The following ACOX3 variants were observed in gnomAD, a reference collection of about 807,000 sequenced individuals.
The protein encoded by ACOX3 is acyl-CoA oxidase 3, pristanoyl, also known as peroxisomal acyl-coenzyme A oxidase 3.
Under a neutral mutation model 81.5 loss-of-function variants are expected in ACOX3, and 73 were observed. The observed-to-expected ratio is 0.90, with a 90% CI of 0.74 to 1.09. The LOEUF (loss-of-function observed/expected upper bound fraction) is 1.09, where lower values mean the gene tolerates loss of function less well. Among genes scored for constraint, ACOX3 ranks in the 50% least tolerant of loss-of-function variants. The pLI, the probability that ACOX3 is intolerant of heterozygous loss-of-function variation, is 0.00. For missense variants in ACOX3, 947 were observed against 928.0 expected, an observed-to-expected ratio of 1.02 and a Z score of -0.27; for synonymous variants, 387 against 375.1, an observed-to-expected ratio of 1.03 and a Z score of -0.37.
chr4:8,413,133 G>A (rs1459954340), intron 5 of ACOX3, among the ~76,000 whole-genome samples: 153 of 93,832 alleles, frequency 1.6e-3, no homozygotes, highest in Non-Finnish European at 2.7e-3. Flanking sequence ...GCACCCCTGC[G>A]CCCCTCCACA....
rs1237939487 is a variant in ACOX3, at chr4:8,382,897, C to G, written c.1538-1290G>C. 3.4e-5 allele frequency among the ~76,000 whole-genome samples: 5 copies of G among 148,444 alleles called. No homozygotes were observed. Among genetic ancestry groups the G allele is most frequent in the Non-Finnish European group, 5.9e-5 (4 of 67,742 alleles). On this transcript the variant is annotated intron_variant, in intron 13 of 17. Coordinates refer to ENST00000356406, the MANE Select transcript of ACOX3 (RefSeq NM_003501.3). The surrounding 1 kb of genome is among the most constrained non-coding windows in gnomAD (Gnocchi z 4.1). The stretch of plus-strand genomic sequence containing the variant: ...GTCCCAGCTACTCGGGAGGCTGAGG[C>G]AGGAGAATGGCGTGAACCCGGGAGG...
chr4:8,380,931 G>T (rs10034947), intron 14 of ACOX3, among the ~76,000 whole-genome samples: 10,023 of 152,238 alleles, frequency 0.066, 446 homozygotes, highest in African/African-American at 0.12. Context: ...AGATGGCTGG[G>T]ACAGGGCTGG....
At chr4:8,402,353 T>C (rs1720460842) in intron 7 of ACOX3, among the ~76,000 whole-genome samples, 1 of 152,182 alleles carries the variant, frequency 6.6e-6, no homozygotes, top group Admixed American at 6.5e-5. Context: ...CTGCCCAGTT[T>C]GGTAGCAGCT....
At chr4:8,361,113 CTAGAT>C in the ACOX3 span, among the ~76,000 whole-genome samples, 11 of 151,854 alleles carry the variant, frequency 7.2e-5, no homozygotes, top group South Asian at 2.1e-4. Flanking sequence ...TTTTTCTTAC[CTAGAT>C]TAAAGAGTTA....
intron 1 of ACOX3, among the ~76,000 whole-genome samples, chr4:8,425,938 C>T (rs879081395): frequency 3.3e-5 from 5 of 151,964 alleles, no homozygotes; most frequent in South Asian, 4.2e-4. Flanking sequence ...CAGGGAAGGT[C>T]GAGAAAATGA....
chr4:8,357,426 T>C, the ACOX3 span: 1 of 356,512 alleles, frequency 2.8e-6, no homozygotes, highest in African/African-American at 2.1e-5. Context: ...TCAATTAAAT[T>C]GGAGGGGCAA....
chr4:8,435,601 G>A (rs754150322), intron 1 of ACOX3, among the ~76,000 whole-genome samples: 15 of 152,244 alleles, frequency 9.9e-5, no homozygotes, highest in Non-Finnish European at 1.8e-4. Context: ...GTGGTGACAG[G>A]GGTTGGAGGA....
chr4:8,399,610 A>T lies in ACOX3; in HGVS notation c.819T>A (p.Leu273=). The change falls in exon 8 of 18, where the codon CTT becomes CTA. Residue 273 remains leucine (L), a synonymous_variant. Transcript: ENST00000356406. This position sits in a 1 kb window ranked among gnomAD's most constrained non-coding sequence, Gnocchi z 4.9. ...FHKVRVPRQS[L]LNRMGDVTPE... ...GGGTGACGTCTCCCATCCGGTTCAGAAGGCTCTGGCGAGGAACTCTGACCT... is the reference window on the plus strand; with the variant it reads ...GGGTGACGTCTCCCATCCGGTTCAGTAGGCTCTGGCGAGGAACTCTGACCT... 1 of 1,614,164 alleles carries T rather than the reference A, an allele frequency of 6.2e-7. No homozygotes were observed. The highest frequency in any genetic ancestry group is 8.5e-7 in the Non-Finnish European group (1 of 1,180,024).
chr4:8,372,458 G>A (rs977595501), intron 16 of ACOX3, among the ~76,000 whole-genome samples: 10 of 152,126 alleles, frequency 6.6e-5, no homozygotes, highest in Admixed American at 4.6e-4. Context: ...AGACCCCCGT[G>A]CTTTCCTTGG....
Position 8,423,655 on chromosome 4 carries a change from G to T in ACOX3, c.-14-7120C>A, listed in dbSNP as rs1017547978. ...GGCTGTTGTTCCTCTATACCCAGCT[G>T]TACCTAATCTTATACTCACTCTGCT... is the stretch of plus-strand genomic sequence containing the variant. On this transcript the variant is annotated intron_variant, in intron 1 of 17. Transcript: ENST00000356406. The surrounding 1 kb of genome is among the most constrained non-coding windows in gnomAD (Gnocchi z 4.2). Among the ~76,000 whole-genome samples, 16 of 152,182 alleles carry T rather than the reference G, an allele frequency of 1.1e-4. No individual in the cohort carries two copies. The highest frequency in any genetic ancestry group is 1.9e-4 in the Non-Finnish European group (13 of 68,036).
downstream of ACOX3, among the ~76,000 whole-genome samples, chr4:8,365,821 T>C (rs1715383464): frequency 6.6e-6 from 1 of 152,126 alleles, no homozygotes; most frequent in South Asian, 2.1e-4. Flanking sequence ...TGCTGGAAAT[T>C]CAGTTTTTAA....
At chr4:8,420,916 T>G (rs185630858) in intron 1 of ACOX3, among the ~76,000 whole-genome samples, 57 of 152,244 alleles carry the variant, frequency 3.7e-4, no homozygotes, top group Middle Eastern at 6.8e-3. Context: ...TCGTCCTAAT[T>G]GAGCTGAACA....
rs2109056315 is a variant in ACOX3 at position 8,437,469 on chromosome 4, G to C, written c.-15+3179C>G. ...AAAATGGGAGAGACAGCAGTGCGCG[G>C]GGGCAGGGCCTGTGCCACTGCCTGG... On this transcript the variant is annotated intron_variant, in intron 1 of 17. Coordinates refer to ENST00000356406, the MANE Select transcript of ACOX3 (RefSeq NM_003501.3). The surrounding 1 kb of genome is among the most constrained non-coding windows in gnomAD (Gnocchi z 5.2). Among the ~76,000 whole-genome samples, 1 of 152,200 alleles carries C rather than the reference G, an allele frequency of 6.6e-6. No individual in the cohort carries two copies. Among genetic ancestry groups the C allele is most frequent in the East Asian group, 1.9e-4 (1 of 5,182 alleles).
Position 8,381,612 on chromosome 4 carries a change from G to A in ACOX3, c.1538-5C>T, listed in dbSNP as rs376449505. ...ACTTGTATGCTGCCAGGGCGACTTC[G>A]GAATGACAAACAGAAGGAGAAAAAG... is the stretch of plus-strand genomic sequence containing the variant. On this transcript the variant is annotated splice_region_variant and splice_polypyrimidine_tract_variant and intron_variant, in intron 13 of 17. Transcript: ENST00000356406. This position sits in a 1 kb window ranked among gnomAD's most constrained non-coding sequence, Gnocchi z 4.3. 141 of 1,603,074 alleles carry A rather than the reference G, an allele frequency of 8.8e-5. 1 individual carries two copies. The African/African-American group carries it at 1.6e-3, about 18-fold the overall frequency.
chr4:8,367,434 G>C (rs1715597536), intron 17 of ACOX3, among the ~76,000 whole-genome samples: 1 of 152,136 alleles, frequency 6.6e-6, no homozygotes, highest in Non-Finnish European at 1.5e-5. Flanking sequence ...AGTGAGCCGA[G>C]ATTGCACCAC....
chr4:8,378,693 A>G (rs1314572097), intron 14 of ACOX3, among the ~76,000 whole-genome samples: 3 of 152,244 alleles, frequency 2.0e-5, no homozygotes, highest in Non-Finnish European at 4.4e-5. Context: ...GAACATGTAA[A>G]GGTGTCACTC....
chr4:8,370,880 C>A lies in ACOX3; in HGVS notation c.1983+28G>T. The A allele has an allele frequency of 1.9e-6, 3 of 1,605,676 alleles. No individual in the cohort carries two copies. Among genetic ancestry groups the A allele is most frequent in the Non-Finnish European group, 1.7e-6 (2 of 1,173,464 alleles). ...GAAATGCCCATCAACCCTTGGGGCA[C>A]TCCCGTGAGGCCCTGTCCTCCCTTT... On this transcript the variant is annotated intron_variant, in intron 17 of 17. Transcript: ENST00000356406. The surrounding 1 kb of genome is among the most constrained non-coding windows in gnomAD (Gnocchi z 6.3).
intron 1 of ACOX3, among the ~76,000 whole-genome samples, chr4:8,429,607 AAG>A (rs1412284027): frequency 6.6e-6 from 1 of 152,218 alleles, no homozygotes; most frequent in Non-Finnish European, 1.5e-5. Context: ...CTGCCAGTGA[AAG>A]AGCGAAGATG....
chr4:8,422,968 G>A (rs1228720902), intron 1 of ACOX3, among the ~76,000 whole-genome samples: 1 of 152,170 alleles, frequency 6.6e-6, no homozygotes, highest in Non-Finnish European at 1.5e-5. Flanking sequence ...TCAGTCAGAA[G>A]CCACTAACCA....
Sources: gnomAD v4.1 joint callset for allele counts (sites outside exome capture counted in the v4.1 genomes callset) on GRCh38, gnomAD v4.1.1 for gene constraint, Gnocchi (gnomAD v3.1) non-coding constraint, MANE v1.5 for transcripts, NCBI Gene and HGNC (gene_info 2026-07-23, HGNC 2026-07-21) for gene names.